Variants in ARNT2 observed in about 807,000 individuals in gnomAD.
ARNT2 encodes the protein aryl hydrocarbon receptor nuclear translocator 2.
In ARNT2, 36 loss-of-function variants were observed where a neutral mutation model predicts 91.7. The ratio of observed to expected loss-of-function variants is 0.39; its 90% confidence interval spans 0.30 to 0.52. ARNT2 has a LOEUF of 0.52. Ranked by LOEUF, ARNT2 falls within the 20% of genes least tolerant of loss-of-function variation. ARNT2 has a pLI of 0.72. For synonymous variants in ARNT2, 365 were observed against 347.1 expected (o/e 1.05, Z -0.57); for missense variants, 775 against 939.3 (o/e 0.83, Z 2.29).
chr15:80,433,252 A>ATTTTATTTTATTTTAT lies in ARNT2; in HGVS notation c.32-17624_32-17609dup, dbSNP rs1555455366. Among the ~76,000 whole-genome samples the ATTTTATTTTATTTTAT allele has an allele frequency of 3.2e-3, 220 of 68,198 alleles. 2 individuals are homozygous for ATTTTATTTTATTTTAT. The highest frequency in any genetic ancestry group is 4.7e-3 in the Non-Finnish European group (144 of 30,964). 44.7% of individuals were successfully genotyped at this position (68,198 alleles called of 152,430 possible). ...TATTTTATTTATTTTATTTTATTTT[A>ATTTTATTTTATTTTAT]TTTTATTTTATTTTATTTTATTTTA... On this transcript the variant is annotated intron_variant, in intron 1 of 18. Transcript: ENST00000303329.
intron 11 of ARNT2, chr15:80,556,867 G>A (rs1295766274): frequency 6.6e-6 from 1 of 152,154 alleles, no homozygotes; most frequent in African/African-American, 2.4e-5. Flanking sequence ...CTGAGCCCAG[G>A]TTCAGCTGAG....
intron 3 of ARNT2, among the ~76,000 whole-genome samples, chr15:80,467,507 T>C (rs1595975474): frequency 1.3e-5 from 2 of 152,088 alleles, no homozygotes; most frequent in Non-Finnish European, 2.9e-5. Flanking sequence ...GAATGCAGAC[T>C]CTAGGTGGTG....
At chr15:80,539,066 A>G (rs1897867326) in intron 8 of ARNT2, among the ~76,000 whole-genome samples, 1 of 152,120 alleles carries the variant, frequency 6.6e-6, no homozygotes, top group East Asian at 1.9e-4. Flanking sequence ...CTAGGCAAAA[A>G]ATTGAGAAAG....
intron 8 of ARNT2, 167 bp from the exon 9 acceptor site, chr15:80,551,032 G>A: frequency 1.6e-6 from 1 of 621,196 alleles, no homozygotes; most frequent in East Asian, 2.6e-5. Context: ...CAGGCAGAGA[G>A]AAGCAGGAAC....
chr15:80,426,637 T>G (rs972780529), intron 1 of ARNT2, among the ~76,000 whole-genome samples: 3 of 152,158 alleles, frequency 2.0e-5, no homozygotes, highest in African/African-American at 7.2e-5. Flanking sequence ...GGAAAGGAGA[T>G]TTCACTGCTG....
intron 5 of ARNT2, among the ~76,000 whole-genome samples, chr15:80,502,262 C>T (rs1365297630): frequency 6.6e-6 from 1 of 152,174 alleles, no homozygotes; most frequent in African/African-American, 2.4e-5. Flanking sequence ...TTATAGATGC[C>T]CGCAAGTTCC....
At chr15:80,574,101 C>G in intron 12 of ARNT2, 47 bp from the exon 13 acceptor site, 1 of 1,556,562 alleles carries the variant, frequency 6.4e-7, no homozygotes, top group Non-Finnish European at 8.9e-7. Flanking sequence ...GCCCTATTGT[C>G]ACCCCTTCTG....
chr15:80,443,786 T>G (rs952485948), intron 1 of ARNT2, among the ~76,000 whole-genome samples: 10 of 152,172 alleles, frequency 6.6e-5, no homozygotes, highest in African/African-American at 2.2e-4. Flanking sequence ...GAAGAGCCAC[T>G]GTTTGCCTTC....
rs1057274824 is a variant in ARNT2 at position 80,597,134 on chromosome 15, T to G, written c.*3436T>G. Reference sequence around the variant, plus strand: ...CAATGTGACTACATGTTCTCCAGATTAGCCACACATGCAAACATCAGTGTC... The same window carrying G: ...CAATGTGACTACATGTTCTCCAGATGAGCCACACATGCAAACATCAGTGTC... On this transcript the variant is annotated 3_prime_UTR_variant, in exon 19 of 19. Coordinates refer to ENST00000303329, the MANE Select transcript of ARNT2 (RefSeq NM_014862.4). The G allele has an allele frequency of 5.8e-6, 3 of 518,644 alleles. No individual in the cohort carries two copies. The highest frequency in any genetic ancestry group is 5.8e-5 in the African/African-American group (3 of 51,886). The allele number at this position is 518,644 out of a possible 1,614,324, so 32.1% of individuals were successfully genotyped here.
In ARNT2 at chr15:80,574,989, C is replaced by A. The variant is rs200097188; in HGVS notation, c.1392C>A (p.Val464=). 3 of 1,613,904 alleles carry A rather than the reference C, an allele frequency of 1.9e-6. No homozygotes were observed. The highest frequency in any genetic ancestry group is 1.7e-6 in the Non-Finnish European group (2 of 1,179,820). The change falls in exon 14 of 19, where the codon GTC becomes GTA. Residue 464 remains valine, a splice_region_variant and synonymous_variant. Coordinates refer to ENST00000303329, the MANE Select transcript of ARNT2 (RefSeq NM_014862.4). The part of the protein sequence containing the change: ...DGLSSYDLSQ[V]PVPNLPAGVH... ...TGTTTTATTTAATGTGCAAATAGGT[C>A]CCCGTCCCCAACCTACCAGCCGGTG...
intron 2 of ARNT2, 90 bp downstream of exon 2, chr15:80,451,084 T>C: frequency 8.1e-7 from 1 of 1,241,790 alleles, no homozygotes; most frequent in Non-Finnish European, 1.1e-6. Context: ...CTCCCCTTCC[T>C]GTAGAATAAA....
At chr15:80,486,894 G>A (rs74029821) in intron 5 of ARNT2, among the ~76,000 whole-genome samples, 5,373 of 152,232 alleles carry the variant, frequency 0.035, 177 homozygotes, top group East Asian at 0.13. Context: ...ATGTGAACGT[G>A]GTTACAGGTT....
At chr15:80,504,000 G>A (rs759793667) in intron 5 of ARNT2, among the ~76,000 whole-genome samples, 4 of 152,238 alleles carry the variant, frequency 2.6e-5, no homozygotes, top group African/African-American at 4.8e-5. Flanking sequence ...CTAGCACAGC[G>A]TGACAGAGCC....
intron 17 of ARNT2, among the ~76,000 whole-genome samples, chr15:80,585,829 A>C (rs1301259561): frequency 6.6e-6 from 1 of 152,176 alleles, no homozygotes; most frequent in African/African-American, 2.4e-5. Context: ...CGTTAGACAC[A>C]CTGCAGGAGG....
At chr15:80,476,544 C>A (rs543042098) in intron 5 of ARNT2, among the ~76,000 whole-genome samples, 4 of 152,296 alleles carry the variant, frequency 2.6e-5, no homozygotes, top group Non-Finnish European at 2.9e-5. Flanking sequence ...TTCTCCCTGA[C>A]CATATTGTGA....
chr15:80,572,581 C>T (rs1039479997), intron 12 of ARNT2, among the ~76,000 whole-genome samples: 1 of 152,080 alleles, frequency 6.6e-6, no homozygotes, highest in Non-Finnish European at 1.5e-5. Context: ...TGGGCAGTTC[C>T]TCCATGGGGT....
chr15:80,491,505 C>T (rs1191742114), intron 5 of ARNT2, among the ~76,000 whole-genome samples: 1 of 152,168 alleles, frequency 6.6e-6, no homozygotes, highest in East Asian at 1.9e-4. Flanking sequence ...AGTGGGGACA[C>T]AGCCAAGCCA....
intron 8 of ARNT2, among the ~76,000 whole-genome samples, chr15:80,539,122 T>C (rs1897867968): frequency 6.6e-6 from 1 of 152,068 alleles, no homozygotes; most frequent in Non-Finnish European, 1.5e-5. Context: ...GAAAGCTTTA[T>C]GGGCAAATTA....
At chr15:80,488,660 G>A (rs945821467) in intron 5 of ARNT2, 3 of 151,930 alleles carry the variant, frequency 2.0e-5, no homozygotes, top group Non-Finnish European at 4.4e-5. Context: ...ATTCCAGTGT[G>A]GACCAACTAC....
Sources: allele counts gnomAD v4.1 joint callset (sites outside exome capture counted in the v4.1 genomes callset), GRCh38; gene constraint gnomAD v4.1.1; transcripts MANE v1.5; gene names NCBI Gene and HGNC (gene_info 2026-07-23, HGNC 2026-07-21).